Variants in PIK3C2G observed in about 807,000 individuals in gnomAD.
The protein encoded by PIK3C2G is phosphatidylinositol-4-phosphate 3-kinase catalytic subunit type 2 gamma, also known as phosphatidylinositol 3-kinase C2 domain-containing subunit gamma.
PIK3C2G carries 168 observed loss-of-function variants against 181.1 expected under a neutral mutation model. That is an observed-to-expected ratio of 0.93 (90% CI 0.82 to 1.05). The LOEUF (loss-of-function observed/expected upper bound fraction) is 1.05. Ranked by LOEUF, PIK3C2G falls within the 50% of genes least tolerant of loss-of-function variation. The pLI is 0.00. For synonymous variants in PIK3C2G, 573 were observed against 592.2 expected (o/e 0.97, Z 0.47); for missense variants, 1,869 against 1,732.8 (o/e 1.08, Z -1.40).
At chr12:18,406,064 A>G (rs1944511961) in intron 16 of PIK3C2G, among the ~76,000 whole-genome samples, 2 of 151,930 alleles carry the variant, frequency 1.3e-5, no homozygotes, top group African/African-American at 4.8e-5. Flanking sequence ...TCTGGTAACC[A>G]CCTTTCCATT....
intron 11 of PIK3C2G, among the ~76,000 whole-genome samples, chr12:18,361,521 T>G (rs1941234228): frequency 6.7e-6 from 1 of 149,402 alleles, no homozygotes; most frequent in African/African-American, 2.5e-5. Flanking sequence ...ATGGTCTGTC[T>G]GGCTTCCCAC....
chr12:18,659,882 A>G, the PIK3C2G span, among the ~76,000 whole-genome samples: 12 of 152,276 alleles, frequency 7.9e-5, no homozygotes, highest in African/African-American at 2.9e-4. Context: ...GACTTACTCT[A>G]TAAGAAATGC....
At chr12:18,449,934 C>T (rs896273447) in intron 18 of PIK3C2G, among the ~76,000 whole-genome samples, 1 of 152,146 alleles carries the variant, frequency 6.6e-6, no homozygotes, top group Admixed American at 6.5e-5. Context: ...TCCACATCCT[C>T]GACAGCATCT....
intron 30 of PIK3C2G, among the ~76,000 whole-genome samples, chr12:18,602,607 C>A (rs1468090006): frequency 6.6e-6 from 1 of 152,020 alleles, no homozygotes; most frequent in Non-Finnish European, 1.5e-5. Flanking sequence ...AGCTAAGGAC[C>A]CCCACAGAGT....
intron 18 of PIK3C2G, among the ~76,000 whole-genome samples, chr12:18,475,712 G>A (rs564870921): frequency 1.4e-4 from 21 of 152,090 alleles, no homozygotes; most frequent in African/African-American, 4.8e-4. Context: ...TAATCAGTTT[G>A]TAATTAATGT....
chr12:18,620,220 A>C (rs539022180), intron 31 of PIK3C2G, among the ~76,000 whole-genome samples: 2 of 152,270 alleles, frequency 1.3e-5, no homozygotes, highest in Admixed American at 6.5e-5. Flanking sequence ...TAGTTCTACG[A>C]ATAATTAAGA....
At chr12:18,297,834 T>C (rs1950006972) in intron 5 of PIK3C2G, among the ~76,000 whole-genome samples, 1 of 152,074 alleles carries the variant, frequency 6.6e-6, no homozygotes, top group Non-Finnish European at 1.5e-5. Flanking sequence ...TCCATCCATG[T>C]TGCTGCAAAT....
chr12:18,633,115 G>A (rs1052950088), intron 31 of PIK3C2G, among the ~76,000 whole-genome samples: 1 of 152,014 alleles, frequency 6.6e-6, no homozygotes, highest in South Asian at 2.1e-4. Flanking sequence ...ACATGCTAAC[G>A]CCATCCTCAG....
chr12:18,291,038 C>G (rs779651189), intron 4 of PIK3C2G, 26 bp downstream of exon 4: 1 of 1,481,904 alleles, frequency 6.7e-7, no homozygotes, highest in Non-Finnish European at 9.3e-7. Flanking sequence ...AATAAGTCTA[C>G]AAATCTATAC....
chr12:18,452,194 C>G (rs1344908607), intron 18 of PIK3C2G, among the ~76,000 whole-genome samples: 1 of 152,190 alleles, frequency 6.6e-6, no homozygotes, highest in Admixed American at 6.5e-5. Context: ...GTCAATCTGT[C>G]TGGTCCTGGG....
chr12:18,458,538 C>A (rs140566533), intron 18 of PIK3C2G, among the ~76,000 whole-genome samples: 1 of 152,130 alleles, frequency 6.6e-6, no homozygotes, highest in African/African-American at 2.4e-5. Flanking sequence ...TAGTGACTCT[C>A]CTCCTAGCCA....
chr12:18,694,632 C>T, the PIK3C2G span, among the ~76,000 whole-genome samples: 1 of 151,974 alleles, frequency 6.6e-6, no homozygotes. Flanking sequence ...ATATTAAATG[C>T]CTAAATACAA....
intron 18 of PIK3C2G, among the ~76,000 whole-genome samples, chr12:18,434,235 G>A (rs1410456539): frequency 6.6e-6 from 1 of 152,042 alleles, no homozygotes; most frequent in Non-Finnish European, 1.5e-5. Flanking sequence ...TTTTTATAAG[G>A]GCATGAACCC....
chr12:18,282,749 A>T lies in PIK3C2G; in HGVS notation c.668A>T (p.Lys223Met). The change falls in exon 2 of 33, where the codon AAG becomes ATG. Residue 223 changes from lysine (K) to methionine (M), a missense_variant. Physicochemically the swap from Lys to Met is moderately conservative, Grantham distance 95. Transcript: ENST00000538779. ...GGAATGTGGGAAAGTACATGGCAGAAGAATATAGAGGTAAGTATAATACAT... is the reference window on the plus strand; with the variant it reads ...GGAATGTGGGAAAGTACATGGCAGATGAATATAGAGGTAAGTATAATACAT... ...QPGMWESTWQ[K>M]NIESIGCSIQ... The T allele has an allele frequency of 1.3e-6, 2 of 1,592,950 alleles. No individual in the cohort carries two copies. The highest frequency in any genetic ancestry group is 2.3e-5 in the South Asian group (2 of 88,406).
chr12:18,584,529 G>A (rs1381447118), intron 29 of PIK3C2G, among the ~76,000 whole-genome samples: 2 of 152,212 alleles, frequency 1.3e-5, no homozygotes, highest in East Asian at 3.9e-4. Context: ...AAACCTCTGA[G>A]ACATATGGAA....
the PIK3C2G span, among the ~76,000 whole-genome samples, chr12:18,659,433 A>G: frequency 3.3e-4 from 51 of 152,272 alleles, 1 homozygote; most frequent in African/African-American, 1.2e-3. Flanking sequence ...TCATCCCTGC[A>G]TACTTAGAGA....
the PIK3C2G span, among the ~76,000 whole-genome samples, chr12:18,659,496 A>C: frequency 3.2e-4 from 49 of 152,094 alleles, 1 homozygote; most frequent in Admixed American, 3.2e-3. Context: ...ACCATGATCA[A>C]AATCAGGAAA....
chr12:18,453,788 C>T (rs1240182793), intron 18 of PIK3C2G, among the ~76,000 whole-genome samples: 2 of 152,062 alleles, frequency 1.3e-5, no homozygotes, highest in Admixed American at 6.6e-5. Flanking sequence ...TGCAAGTGAA[C>T]ACAGCTCAAT....
downstream of PIK3C2G, among the ~76,000 whole-genome samples, chr12:18,652,066 C>G (rs1413176187): frequency 6.6e-6 from 1 of 152,040 alleles, no homozygotes; most frequent in Non-Finnish European, 1.5e-5. Flanking sequence ...TAAAGTTAGG[C>G]AGATGATAAT....
Sources: gnomAD v4.1 joint callset for allele counts (sites outside exome capture counted in the v4.1 genomes callset) on GRCh38, gnomAD v4.1.1 for gene constraint, MANE v1.5 for transcripts, NCBI Gene and HGNC (gene_info 2026-07-23, HGNC 2026-07-21) for gene names.